The following YDJC variants were observed in gnomAD, a reference collection of about 807,000 sequenced individuals.
YDJC encodes YdjC chitooligosaccharide deacetylase homolog, also known as carbohydrate deacetylase.
YDJC carries 23 observed loss-of-function variants against 18.9 expected under a neutral mutation model. The observed-to-expected ratio is 1.22, with a 90% CI of 0.87 to 1.72. YDJC has a LOEUF of 1.72. Among genes scored for constraint, YDJC ranks in the 40% most tolerant of loss-of-function variants. The pLI is 0.00. For missense variants in YDJC, 467 were observed against 470.8 expected, an observed-to-expected ratio of 0.99 and a Z score of 0.07; for synonymous variants, 224 against 217.6, an observed-to-expected ratio of 1.03 and a Z score of -0.26.
intron 1 of YDJC, 28 bp from the exon 2 acceptor site, chr22:21,629,789 T>C (rs1003019962): frequency 2.7e-6 from 4 of 1,470,058 alleles, no homozygotes; most frequent in South Asian, 1.3e-5. Flanking sequence ...GCTGGAGCAC[T>C]AGCGGCCGCG....
At position 21,628,771 on chromosome 22, in the gene YDJC, C is replaced by G; in HGVS notation, c.619G>C (p.Val207Leu). The change falls in exon 5 of 5, where the codon GTG becomes CTG. Residue 207 changes from valine to leucine, a missense_variant. Transcript: ENST00000292778. ...RHGLRWTDAFVGLSTCGRHMS... is the reference protein window; with the variant it reads ...RHGLRWTDAFLGLSTCGRHMS... The stretch of plus-strand genomic sequence containing the variant: ...TGCCGGCCGCAAGTGCTCAGGCCCA[C>G]GAAGGCGTCTGTCCACCTGTGGGGG... 3 of 1,489,490 alleles carry G rather than the reference C, an allele frequency of 2.0e-6. No individual in the cohort carries two copies. The South Asian group carries it at 3.8e-5, about 19-fold the overall frequency. The allele number at this position is 1,489,490 out of a possible 1,614,324, so 92.3% of individuals were successfully genotyped here. A position where few individuals can be genotyped will look rare whatever the true frequency, so the allele number is the denominator to read the frequency against.
Position 21,628,253 on chromosome 22 carries a change from G to A in YDJC, c.*165C>T, listed in dbSNP as rs1337983590. The A allele has an allele frequency of 1.0e-6, 1 of 1,002,324 alleles. No homozygotes were observed. Among genetic ancestry groups the A allele is most frequent in the Non-Finnish European group, 1.4e-6 (1 of 730,872 alleles). 62.1% of individuals were successfully genotyped at this position (1,002,324 alleles called of 1,614,324 possible). On this transcript the variant is annotated 3_prime_UTR_variant, in exon 5 of 5. Transcript: ENST00000292778. ...AGCCAAGAAGGCTGCTCAAACTCTA[G>A]ATGCCATTTGGAGGCATGAGGACCT...
At position 21,629,195 on chromosome 22, in the gene YDJC, C is replaced by T; in HGVS notation, c.425-8G>A. 6.5e-7 allele frequency: 1 copy of T among 1,544,714 alleles called. No homozygotes were observed. ...CGAACACCTGGCACACGCCTGCGGGCGGAGCGGGTCAGGGAGGAGCACGTC... is the reference window on the plus strand; with the variant it reads ...CGAACACCTGGCACACGCCTGCGGGTGGAGCGGGTCAGGGAGGAGCACGTC... On this transcript the variant is annotated splice_region_variant and splice_polypyrimidine_tract_variant and intron_variant, in intron 3 of 4. Coordinates refer to ENST00000292778, the MANE Select transcript of YDJC (RefSeq NM_001017964.2).
chr22:21,629,755 G>T lies in YDJC; in HGVS notation c.171C>A (p.Ser57Arg). ...GGTTGGCGTGGAGGCCCGTGGGGATGCTGTGCCTGAGGGCGGAGCGCGAGC... is the reference window on the plus strand; with the variant it reads ...GGTTGGCGTGGAGGCCCGTGGGGATTCTGTGCCTGAGGGCGGAGCGCGAGC... ...ESAAELARRH[S>R]IPTGLHANLS... is the part of the protein sequence containing the mutation. Residue 57 changes from serine (S) to arginine (R), a missense_variant, in exon 2 of 5, where the codon AGC becomes AGA. Physicochemically the swap from Ser to Arg is moderately radical, Grantham distance 110. Coordinates refer to ENST00000292778, the MANE Select transcript of YDJC (RefSeq NM_001017964.2). The T allele has an allele frequency of 6.6e-7, 1 of 1,508,082 alleles. No homozygotes were observed. Among genetic ancestry groups the T allele is most frequent in the Non-Finnish European group, 8.8e-7 (1 of 1,130,774 alleles). The allele number at this position is 1,508,082 out of a possible 1,614,324, so 93.4% of individuals were successfully genotyped here.
chr22:21,629,680 C>A lies in YDJC; in HGVS notation c.246G>T (p.Leu82=). 1 of 1,609,130 alleles carries A rather than the reference C, an allele frequency of 6.2e-7. No homozygotes were observed. Among genetic ancestry groups the A allele is most frequent in the South Asian group, 1.1e-5 (1 of 90,634 alleles). Residue 82 remains leucine (L), a synonymous_variant, in exon 2 of 5, where the codon CTG becomes CTT. Coordinates refer to ENST00000292778, the MANE Select transcript of YDJC (RefSeq NM_001017964.2). ...VGPARRGASS[L]LGPEGFFLGK... The stretch of plus-strand genomic sequence containing the variant: ...CAAGGAAGAAGCCTTCCGGGCCGAG[C>A]AGCGATGAGGCGCCACGGCGGGCCG...
In YDJC at chr22:21,628,386, AAG is replaced by A; in HGVS notation, c.*30_*31del. 1 of 1,509,606 alleles carries A rather than the reference AAG, an allele frequency of 6.6e-7. No individual in the cohort carries two copies. The highest frequency in any genetic ancestry group is 1.3e-5 in the South Asian group (1 of 75,338). The allele number at this position is 1,509,606 out of a possible 1,614,324, so 93.5% of individuals were successfully genotyped here. ...ATCCTGGCTCCCCTTTCTTGGTACT[AAG>A]GGGATTAGTGCTTGGTTGTCTGTAG... On this transcript the variant is annotated 3_prime_UTR_variant, in exon 5 of 5. Transcript: ENST00000292778.
chr22:21,630,022 T>A lies in YDJC; in HGVS notation c.-8A>T. 6.3e-7 allele frequency: 1 copy of A among 1,589,002 alleles called. No individual in the cohort carries two copies. Among genetic ancestry groups the A allele is most frequent in the Non-Finnish European group, 8.5e-7 (1 of 1,173,590 alleles). On this transcript the variant is annotated 5_prime_UTR_variant, in exon 1 of 5. Transcript: ENST00000292778. ...CATGCGAGGGCGGGACATGGCCGCCTGGGTCCACCGCTCGCGCTCCCAGGG... is the reference window on the plus strand; with the variant it reads ...CATGCGAGGGCGGGACATGGCCGCCAGGGTCCACCGCTCGCGCTCCCAGGG...
chr22:21,629,017 C>G lies in YDJC; in HGVS notation c.595G>C (p.Gly199Arg), dbSNP rs369103808. The change falls in exon 4 of 5, where the codon GGC becomes CGC. Residue 199 changes from glycine to arginine, a missense_variant. Transcript: ENST00000292778. ...CGGGGCGGGGAGCCTCACCGCAGGC[C>G]GTGGCGGGAGAAGGGGCCCACGGCG... is the stretch of plus-strand genomic sequence containing the variant. Reference protein sequence around the residue: ...RAAVGPFSRHGLRWTDAFVGL... With the variant: ...RAAVGPFSRHRLRWTDAFVGL... 4.5e-4 allele frequency: 665 copies of G among 1,473,074 alleles called. 3 individuals carry two copies. The African/African-American group carries it at 8.8e-3, about 20-fold the overall frequency. The allele number at this position is 1,473,074 out of a possible 1,614,324, so 91.3% of individuals were successfully genotyped here. A position where few individuals can be genotyped will look rare whatever the true frequency, so the allele number is the denominator to read the frequency against.
chr22:21,628,487 G>A lies in YDJC; in HGVS notation c.903C>T (p.Ser301=). Residue 301 remains serine, a synonymous_variant, in exon 5 of 5, where the codon TCC becomes TCT. Transcript: ENST00000292778. ...VQLCALDDLD[S]KRPGEEVPCE... ...AGGGGACCTCCTCCCCTGGCCTCTT[G>A]GAGTCCAGGTCGTCGAGGGCGCAAA... 6.2e-7 allele frequency: 1 copy of A among 1,609,174 alleles called. No homozygotes were observed. The highest frequency in any genetic ancestry group is 8.5e-7 in the Non-Finnish European group (1 of 1,176,798).
rs922753818 is a variant in YDJC at position 21,628,505 on chromosome 22, G to A, written c.885C>T (p.Ala295=). Residue 295 remains alanine, a synonymous_variant, in exon 5 of 5, where the codon GCC becomes GCT. Transcript: ENST00000292778. Reference sequence around the variant, plus strand: ...GCCTCTTGGAGTCCAGGTCGTCGAGGGCGCAAAGCTGCACGCCATCCTGGG... The same window carrying A: ...GCCTCTTGGAGTCCAGGTCGTCGAGAGCGCAAAGCTGCACGCCATCCTGGG... ...QLAQDGVQLC[A]LDDLDSKRPG... 3 of 1,611,598 alleles carry A rather than the reference G, an allele frequency of 1.9e-6. No homozygotes were observed. Among genetic ancestry groups the A allele is most frequent in the Non-Finnish European group, 2.5e-6 (3 of 1,178,496 alleles).
chr22:21,628,737 G>A lies in YDJC; in HGVS notation c.653C>T (p.Ala218Val), dbSNP rs1930346261. ...CGCCAGGGCCCCGGACACGCGGTGA[G>A]CGGACATGTGCCGGCCGCAAGTGCT... ...GLSTCGRHMS[A>V]HRVSGALARV... Residue 218 changes from alanine to valine, a missense_variant, in exon 5 of 5, where the codon GCT becomes GTT. By Grantham distance (64) the Ala-to-Val change is moderately conservative. Transcript: ENST00000292778. 4 of 1,516,064 alleles carry A rather than the reference G, an allele frequency of 2.6e-6. No individual in the cohort carries two copies. Among genetic ancestry groups the A allele is most frequent in the Middle Eastern group, 2.0e-4 (1 of 4,898 alleles). 93.9% of individuals were successfully genotyped at this position (1,516,064 alleles called of 1,614,324 possible).
intron 4 of YDJC, 29 bp downstream of exon 4, chr22:21,628,981 A>C: frequency 1.4e-6 from 2 of 1,448,766 alleles, no homozygotes; most frequent in Non-Finnish European, 1.8e-6. Flanking sequence ...AGAGGCAGCT[A>C]TGGTAGGAGA....
At position 21,629,065 on chromosome 22, in the gene YDJC, C is replaced by A. The variant is rs1479778740; in HGVS notation, c.547G>T (p.Ala183Ser). 2.0e-6 allele frequency: 3 copies of A among 1,530,800 alleles called. No individual in the cohort carries two copies. The East Asian group carries it at 7.4e-5, about 38-fold the overall frequency. 94.8% of individuals were successfully genotyped at this position (1,530,800 alleles called of 1,614,324 possible). A position where few individuals can be genotyped will look rare whatever the true frequency, so the allele number is the denominator to read the frequency against. ...GCGGCCCGGGCGTCGCGCTCCACGG[C>A]GCAGGCGAAGGCACGCGCGGGGGCC... ...LEAPARAFAC[A>S]VERDARAAVG... Residue 183 changes from alanine to serine, a missense_variant, in exon 4 of 5, where the codon GCC becomes TCC. Transcript: ENST00000292778.
chr22:21,629,935 T>C lies in YDJC; in HGVS notation c.80A>G (p.Glu27Gly). 6.2e-7 allele frequency: 1 copy of C among 1,605,150 alleles called. No homozygotes were observed. The highest frequency in any genetic ancestry group is 2.2e-5 in the East Asian group (1 of 44,474). The change falls in exon 1 of 5, where the codon GAG becomes GGG. Residue 27 changes from glutamate (E) to glycine (G), a missense_variant. Glu to Gly is a moderately conservative substitution (Grantham distance 98, BLOSUM62 -2). Coordinates refer to ENST00000292778, the MANE Select transcript of YDJC (RefSeq NM_001017964.2). ...YCPRRDEGIV[E>G]AFLAGAVTSV... ...GGTCACAGCCCCGGCCAGAAAGGCC[T>C]CCACGATACCCTCATCGCGTCGCGG...
rs2148458308 is a variant in YDJC at position 21,629,163 on chromosome 22, G to A, written c.449C>T (p.Ala150Val). The change falls in exon 4 of 5, where the codon GCG (alanine) becomes GTG (valine). Residue 150 changes from alanine to valine, a missense_variant. Physicochemically the swap from Ala to Val is moderately conservative, Grantham distance 64. Transcript: ENST00000292778. Reference sequence around the variant, plus strand: ...AAAGCGCACCCCATAGGCCTGCAGCGCCTCGGCGAACACCTGGCACACGCC... The same window carrying A: ...AAAGCGCACCCCATAGGCCTGCAGCACCTCGGCGAACACCTGGCACACGCC... Reference protein sequence around the residue: ...LPGVCQVFAEALQAYGVRFTR... With the variant: ...LPGVCQVFAEVLQAYGVRFTR... 1 of 1,541,500 alleles carries A rather than the reference G, an allele frequency of 6.5e-7. No individual in the cohort carries two copies. The highest frequency in any genetic ancestry group is 8.7e-7 in the Non-Finnish European group (1 of 1,145,984).
chr22:21,628,749 C>G lies in YDJC; in HGVS notation c.641G>C (p.Arg214Pro), dbSNP rs766501271. The stretch of plus-strand genomic sequence containing the variant: ...GGACACGCGGTGAGCGGACATGTGC[C>G]GGCCGCAAGTGCTCAGGCCCACGAA... ...DAFVGLSTCG[R>P]HMSAHRVSGA... is the part of the protein sequence containing the mutation. Residue 214 changes from arginine to proline, a missense_variant, in exon 5 of 5, where the codon CGG becomes CCG. Physicochemically the swap from Arg to Pro is moderately radical, Grantham distance 103. Coordinates refer to ENST00000292778, the MANE Select transcript of YDJC (RefSeq NM_001017964.2). The G allele has an allele frequency of 6.6e-7, 1 of 1,508,690 alleles. No homozygotes were observed. The highest frequency in any genetic ancestry group is 8.9e-7 in the Non-Finnish European group (1 of 1,126,602). 93.5% of individuals were successfully genotyped at this position (1,508,690 alleles called of 1,614,324 possible).
rs1431810701 is a variant in YDJC at position 21,629,082 on chromosome 22, G to A, written c.530C>T (p.Ala177Val). Residue 177 changes from alanine (A) to valine (V), a missense_variant, in exon 4 of 5, where the codon GCG becomes GTG. Physicochemically the swap from Ala to Val is moderately conservative, Grantham distance 64 (BLOSUM62 0). Transcript: ENST00000292778. ...VGGCTWLEAP[A>V]RAFACAVERD... is the part of the protein sequence containing the mutation. ...CTCCACGGCGCAGGCGAAGGCACGC[G>A]CGGGGGCCTCCAGCCAAGTGCAGCC... 2 of 1,535,004 alleles carry A rather than the reference G, an allele frequency of 1.3e-6. No individual in the cohort carries two copies. Among genetic ancestry groups the A allele is most frequent in the East Asian group, 2.4e-5 (1 of 40,830 alleles).
In YDJC at chr22:21,629,920, C is replaced by A. The variant is rs1287144749; in HGVS notation, c.95G>T (p.Gly32Val). The stretch of plus-strand genomic sequence containing the variant: ...CAGCAGGGACACGCTGGTCACAGCC[C>A]CGGCCAGAAAGGCCTCCACGATACC... ...DEGIVEAFLA[G>V]AVTSVSLLVN... The change falls in exon 1 of 5, where the codon GGG becomes GTG. Residue 32 changes from glycine to valine, a missense_variant. Coordinates refer to ENST00000292778, the MANE Select transcript of YDJC (RefSeq NM_001017964.2). 1.2e-6 allele frequency: 2 copies of A among 1,603,114 alleles called. No individual in the cohort carries two copies. The highest frequency in any genetic ancestry group is 1.7e-6 in the Non-Finnish European group (2 of 1,177,862).
rs1930427440 is a variant in YDJC at position 21,629,840 on chromosome 22, C to A, written c.164+11G>T. ...AGCCGATCGCCGCCCTGCTAGAGGC[C>A]CTCCCCTCACCTGCGGGCCAGCTCC... On this transcript the variant is annotated intron_variant, in intron 1 of 4. Transcript: ENST00000292778. The A allele has an allele frequency of 1.3e-6, 2 of 1,536,420 alleles. No individual in the cohort carries two copies.
Sources: allele counts gnomAD v4.1 joint callset, GRCh38; gene constraint gnomAD v4.1.1; transcripts MANE v1.5; gene names NCBI Gene and HGNC (gene_info 2026-07-23, HGNC 2026-07-21).